The following PFKP variants were observed in gnomAD, a reference collection of about 807,000 sequenced individuals.
PFKP encodes phosphofructokinase, platelet.
Under a neutral mutation model 94.3 loss-of-function variants are expected in PFKP, and 101 were observed. That is an observed-to-expected ratio of 1.07 (90% CI 0.91 to 1.26). The LOEUF (loss-of-function observed/expected upper bound fraction) is 1.26. Among genes scored for constraint, PFKP ranks in the 50% most tolerant of loss-of-function variants. PFKP has a pLI of 0.00. For synonymous variants in PFKP, 573 were observed against 432.6 expected, an observed-to-expected ratio of 1.32 and a Z score of -4.03; for missense variants, 1,145 against 1,103.3, an observed-to-expected ratio of 1.04 and a Z score of -0.53.
In PFKP at chr10:3,136,775, TTA is replaced by T; in HGVS notation, c.*197_*198del. The T allele has an allele frequency of 3.7e-6, 1 of 271,666 alleles. No homozygotes were observed. The highest frequency in any genetic ancestry group is 6.4e-6 in the Non-Finnish European group (1 of 156,874). The allele number at this position is 271,666 out of a possible 1,614,324, so 16.8% of individuals were successfully genotyped here. A position where few individuals can be genotyped will look rare whatever the true frequency, so the allele number is the denominator to read the frequency against. On this transcript the variant is annotated 3_prime_UTR_variant, in exon 22 of 22. Coordinates refer to ENST00000381125, the MANE Select transcript of PFKP (RefSeq NM_002627.5). ...CTTTCAGATGTGCATATGAGCAGAA[TTA>T]ATTAAACATTTGCCTATGACTCCAA...
chr10:3,117,745 T>C (rs1836978284), intron 14 of PFKP, among the ~76,000 whole-genome samples: 1 of 152,200 alleles, frequency 6.6e-6, no homozygotes, highest in African/African-American at 2.4e-5. Context: ...GAGGACTGGC[T>C]GCTGACACCC....
At chr10:3,069,508 C>T in intron 1 of PFKP, 1 of 862,684 alleles carries the variant, frequency 1.2e-6, no homozygotes. Context: ...AGACAAGAAA[C>T]CTTTGGCACA....
chr10:3,105,971 A>G (rs573002417), intron 7 of PFKP, among the ~76,000 whole-genome samples: 7 of 152,334 alleles, frequency 4.6e-5, no homozygotes, highest in Admixed American at 3.3e-4. Flanking sequence ...GACGACGGGG[A>G]CAGCAGCCAC....
At chr10:3,093,217 C>T (rs1281385279) in intron 2 of PFKP, among the ~76,000 whole-genome samples, 1 of 151,804 alleles carries the variant, frequency 6.6e-6, no homozygotes, top group Non-Finnish European at 1.5e-5. Context: ...ATCTCTGTCT[C>T]ACCCCTCCCA....
Position 3,108,768 on chromosome 10 carries a change from C to T in PFKP, c.938C>T (p.Thr313Ile). The change falls in exon 9 of 22, where the codon ACC becomes ATC. Residue 313 changes from threonine (T) to isoleucine (I), a missense_variant. Coordinates refer to ENST00000381125, the MANE Select transcript of PFKP (RefSeq NM_002627.5). The stretch of plus-strand genomic sequence containing the variant: ...CTCGGGCACGTGCAGAGAGGAGGGA[C>T]CCCTTCGGCATTCGACAGGATCTTG... ...TILGHVQRGG[T>I]PSAFDRILAS... is the part of the protein sequence containing the mutation. 1 of 1,613,396 alleles carries T rather than the reference C, an allele frequency of 6.2e-7. No individual in the cohort carries two copies. Among genetic ancestry groups the T allele is most frequent in the Non-Finnish European group, 8.5e-7 (1 of 1,179,396 alleles).
chr10:3,125,795 G>C (rs77642451), intron 16 of PFKP, among the ~76,000 whole-genome samples: 3,658 of 152,304 alleles, frequency 0.024, 151 homozygotes, highest in East Asian at 0.15. Flanking sequence ...ACACCCACAT[G>C]GTGGCCCCTC....
rs991341736 is a variant in PFKP at position 3,082,475 on chromosome 10, C to G, written c.186+14C>G. 9 of 1,590,252 alleles carry G rather than the reference C, an allele frequency of 5.7e-6. No homozygotes were observed. The highest frequency in any genetic ancestry group is 3.4e-4 in the Middle Eastern group (2 of 5,846). On this transcript the variant is annotated intron_variant, in intron 2 of 21. Coordinates refer to ENST00000381125, the MANE Select transcript of PFKP (RefSeq NM_002627.5). ...TTCATCTACGAGGTCAGTGTCTGCC[C>G]CTCACCCCCTGTCGCCCTTCTTCCA...
At chr10:3,097,258 G>A (rs758938328) in intron 2 of PFKP, among the ~76,000 whole-genome samples, 6 of 151,656 alleles carry the variant, frequency 4.0e-5, no homozygotes, top group African/African-American at 7.3e-5. Context: ...GCACATGACC[G>A]TCTGTTACCA....
In PFKP at chr10:3,109,396, G is replaced by T; in HGVS notation, c.1005G>T (p.Glu335Asp). ...TGGAGGCAGTCATCGCCTTGCTAGA[G>T]GCCACCCCGGACACCCCAGCTTGCG... is the stretch of plus-strand genomic sequence containing the variant. ...MGVEAVIALL[E>D]ATPDTPACVV... The change falls in exon 10 of 22, where the codon GAG becomes GAT. Residue 335 changes from glutamate (E) to aspartate (D), a missense_variant. Glu to Asp is a conservative substitution (Grantham distance 45). Transcript: ENST00000381125. The T allele has an allele frequency of 6.2e-7, 1 of 1,610,684 alleles. No homozygotes were observed.
chr10:3,082,499 C>T, intron 2 of PFKP, 38 bp downstream of exon 2: 2 of 1,504,918 alleles, frequency 1.3e-6, no homozygotes, highest in Non-Finnish European at 1.8e-6. Context: ...GCCCTTCTTC[C>T]ACCTGCCCAG....
intron 3 of PFKP, among the ~76,000 whole-genome samples, chr10:3,100,006 CTGTG>C (rs1588459405): frequency 6.7e-6 from 1 of 149,228 alleles, no homozygotes; most frequent in African/African-American, 2.5e-5. Flanking sequence ...GAATGTGTAT[CTGTG>C]TGTGGGGTGT....
At chr10:3,124,554 C>T (rs58374102) in intron 16 of PFKP, among the ~76,000 whole-genome samples, 17,302 of 152,226 alleles carry the variant, frequency 0.11, 1,076 homozygotes, top group Non-Finnish European at 0.14. Flanking sequence ...AGAGATGTGG[C>T]GTGGGGCTGA....
chr10:3,126,509 C>T (rs1306536626), intron 16 of PFKP, among the ~76,000 whole-genome samples: 1 of 152,240 alleles, frequency 6.6e-6, no homozygotes, highest in East Asian at 1.9e-4. Flanking sequence ...CCTACCCTGG[C>T]CAGCAGCTGT....
At chr10:3,110,188 A>G (rs1227730395) in intron 10 of PFKP, among the ~76,000 whole-genome samples, 1 of 151,394 alleles carries the variant, frequency 6.6e-6, no homozygotes, top group Non-Finnish European at 1.5e-5. Context: ...GCTGCATTTG[A>G]AGTTATTTAA....
At chr10:3,132,245 AAGCCGCG>A (rs1838674984) in intron 17 of PFKP, 128 bp from the exon 18 acceptor site, 1 of 648,470 alleles carries the variant, frequency 1.5e-6, no homozygotes, top group Admixed American at 2.2e-5. Flanking sequence ...CCCAAGACCC[AAGCCGCG>A]AGAGCTGCAG....
intron 2 of PFKP, among the ~76,000 whole-genome samples, chr10:3,090,420 A>G (rs2131472287): frequency 6.6e-6 from 1 of 152,336 alleles, no homozygotes; most frequent in African/African-American, 2.4e-5. Context: ...CTAACGGGGC[A>G]GAGGAGCTGT....
At chr10:3,084,417 ATTTGCTGGAAAGAGGTT>A (rs556021354) in intron 2 of PFKP, among the ~76,000 whole-genome samples, 30 of 151,512 alleles carry the variant, frequency 2.0e-4, no homozygotes, top group Non-Finnish European at 4.4e-4. Context: ...TTTGTTTATC[ATTTGCTGGAAAGAGGTT>A]TTTTTGTTCG....
At chr10:3,074,162 A>C (rs950740608) in intron 1 of PFKP, among the ~76,000 whole-genome samples, 2 of 152,160 alleles carry the variant, frequency 1.3e-5, no homozygotes, top group Non-Finnish European at 2.9e-5. Context: ...TTCTGTAATC[A>C]TTGTGCATGT....
intron 8 of PFKP, 109 bp downstream of exon 8, chr10:3,107,418 T>G (rs1209480216): frequency 1.9e-5 from 13 of 673,836 alleles, no homozygotes; most frequent in Non-Finnish European, 3.4e-5. Context: ...CTTTTTATCC[T>G]TGATATTTAA....
Sources: allele counts gnomAD v4.1 joint callset (sites outside exome capture counted in the v4.1 genomes callset), GRCh38; gene constraint gnomAD v4.1.1; transcripts MANE v1.5; gene names NCBI Gene and HGNC (gene_info 2026-07-23, HGNC 2026-07-21).